Variants in KIF3B observed in about 807,000 individuals in gnomAD.
KIF3B encodes kinesin-like protein KIF3B.
A neutral mutation model predicts 74.3 loss-of-function variants in KIF3B; 38 were observed. The ratio of observed to expected loss-of-function variants is 0.51; its 90% confidence interval spans 0.39 to 0.67. The LOEUF (loss-of-function observed/expected upper bound fraction) is 0.67, where lower values mean the gene tolerates loss of function less well. Among genes scored for constraint, KIF3B ranks in the 30% least tolerant of loss-of-function variants. The probability of loss-of-function intolerance (pLI) is 0.00; values close to 1 mark genes in which losing one functional copy is unlikely to be tolerated. For missense variants in KIF3B, 649 were observed against 932.0 expected, an observed-to-expected ratio of 0.70 and a Z score of 3.95; for synonymous variants, 326 against 342.5, an observed-to-expected ratio of 0.95 and a Z score of 0.53.
intron 1 of KIF3B, among the ~76,000 whole-genome samples, chr20:32,305,660 G>T (rs1434166239): frequency 7.2e-6 from 1 of 138,104 alleles, no homozygotes; most frequent in Non-Finnish European, 1.5e-5. Context: ...TTGGCTCACT[G>T]CAGCCTCCGC....
chr20:32,325,655 CTTTTTTTTTTTTTTTT>C (rs1164604181), intron 5 of KIF3B, among the ~76,000 whole-genome samples: 2 of 51,104 alleles, frequency 3.9e-5, no homozygotes, highest in Admixed American at 3.1e-4. Context: ...CTCTCTCTCT[CTTTTTTTTTTTTTTTT>C]TTTTTTTTTT....
intron 2 of KIF3B, among the ~76,000 whole-genome samples, chr20:32,311,968 A>G (rs1469968552): frequency 6.6e-6 from 1 of 151,638 alleles, no homozygotes; most frequent in Non-Finnish European, 1.5e-5. Context: ...ACGCCCGGCT[A>G]AGTTTTGTAT....
chr20:32,308,245 AAAG>A (rs1349033709), intron 1 of KIF3B, among the ~76,000 whole-genome samples: 1 of 152,166 alleles, frequency 6.6e-6, no homozygotes, highest in African/African-American at 2.4e-5. Context: ...CAAATTAAAA[AAAG>A]GGTTTCATTC....
chr20:32,291,095 G>C (rs1456622218), intron 1 of KIF3B, among the ~76,000 whole-genome samples: 2 of 152,054 alleles, frequency 1.3e-5, no homozygotes, highest in African/African-American at 4.8e-5. Context: ...GGTTACCAGG[G>C]GCTAAGGAGA....
In KIF3B at chr20:32,334,639, G is replaced by T. The variant is rs968198155; in HGVS notation, c.*3320G>T. Reference sequence around the variant, plus strand: ...ATACTCTAAAAGCCATACTAAAAATGCTCTGAGGGAACTGGCTAAGAATAG... The same window carrying T: ...ATACTCTAAAAGCCATACTAAAAATTCTCTGAGGGAACTGGCTAAGAATAG... On this transcript the variant is annotated 3_prime_UTR_variant, in exon 9 of 9. Coordinates refer to ENST00000375712, the MANE Select transcript of KIF3B (RefSeq NM_004798.4). 6.6e-6 allele frequency: 1 copy of T among 152,400 alleles called. No individual in the cohort carries two copies. Among genetic ancestry groups the T allele is most frequent in the Non-Finnish European group, 1.5e-5 (1 of 68,068 alleles). The allele number at this position is 152,400 out of a possible 1,614,324, so 9.4% of individuals were successfully genotyped here. A position where few individuals can be genotyped will look rare whatever the true frequency, so the allele number is the denominator to read the frequency against.
At chr20:32,288,756 C>T (rs1010245496) in intron 1 of KIF3B, among the ~76,000 whole-genome samples, 3 of 152,142 alleles carry the variant, frequency 2.0e-5, no homozygotes, top group Non-Finnish European at 4.4e-5. Context: ...TCACTGCAAC[C>T]TCCGCCTCCT....
chr20:32,296,556 C>A (rs756257927), intron 1 of KIF3B, among the ~76,000 whole-genome samples: 1 of 151,878 alleles, frequency 6.6e-6, no homozygotes, highest in Non-Finnish European at 1.5e-5. Context: ...CAAGATTGCA[C>A]CACAGCACTC....
chr20:32,323,292 T>G (rs1411697156), intron 5 of KIF3B, among the ~76,000 whole-genome samples: 4 of 149,116 alleles, frequency 2.7e-5, no homozygotes, highest in Non-Finnish European at 5.9e-5. Context: ...CATTCAGATT[T>G]TCTTGGTTTG....
intron 5 of KIF3B, among the ~76,000 whole-genome samples, chr20:32,322,068 G>C (rs1475168306): frequency 6.6e-6 from 1 of 151,942 alleles, no homozygotes; most frequent in Non-Finnish European, 1.5e-5. Flanking sequence ...TTTTGATATT[G>C]ATCACATTGA....
chr20:32,311,802 C>CTT lies in KIF3B; in HGVS notation c.1404+637_1404+638dup, dbSNP rs771615918. Among the ~76,000 whole-genome samples, 137 of 132,120 alleles carry CTT rather than the reference C, an allele frequency of 1.0e-3. 2 individuals carry two copies. Among genetic ancestry groups the CTT allele is most frequent in the African/African-American group, 3.6e-3 (126 of 34,730 alleles). 86.7% of individuals were successfully genotyped at this position (132,120 alleles called of 152,430 possible). A position where few individuals can be genotyped will look rare whatever the true frequency, so the allele number is the denominator to read the frequency against. On this transcript the variant is annotated intron_variant, in intron 2 of 8. Coordinates refer to ENST00000375712, the MANE Select transcript of KIF3B (RefSeq NM_004798.4). ...AAGAAATAGAACAACATCCATTTTT[C>CTT]TTTTTTTTTTTTTTTTTGAGATGGA...
Position 32,310,032 on chromosome 20 carries a change from G to T in KIF3B, c.255G>T (p.Leu85=). The T allele has an allele frequency of 6.2e-7, 1 of 1,614,140 alleles. No homozygotes were observed. The highest frequency in any genetic ancestry group is 1.1e-5 in the South Asian group (1 of 91,072). Reference sequence around the variant, plus strand: ...TCCGACCACTTGTTGACTCTGTCCTGCAAGGTTTCAATGGAACCATTTTTG... The same window carrying T: ...TCCGACCACTTGTTGACTCTGTCCTTCAAGGTTTCAATGGAACCATTTTTG... ...ETFRPLVDSV[L]QGFNGTIFAY... The change falls in exon 2 of 9, where the codon CTG becomes CTT. Residue 85 remains leucine (L), a synonymous_variant. Coordinates refer to ENST00000375712, the MANE Select transcript of KIF3B (RefSeq NM_004798.4). This position sits in a 1 kb window ranked among gnomAD's most constrained non-coding sequence, Gnocchi z 6.5.
chr20:32,305,847 G>T (rs1402150711), intron 1 of KIF3B, among the ~76,000 whole-genome samples: 2 of 151,508 alleles, frequency 1.3e-5, no homozygotes, highest in East Asian at 1.9e-4. Context: ...TTCCCAAAGT[G>T]CTGGGATTAC....
intron 1 of KIF3B, among the ~76,000 whole-genome samples, chr20:32,301,451 C>G (rs970100036): frequency 1.3e-5 from 2 of 151,962 alleles, no homozygotes; most frequent in African/African-American, 4.8e-5. Flanking sequence ...GATCTCAGCT[C>G]ACTGCAAACC....
intron 1 of KIF3B, among the ~76,000 whole-genome samples, chr20:32,280,995 G>A (rs2047640537): frequency 6.6e-6 from 1 of 152,228 alleles, no homozygotes; most frequent in Non-Finnish European, 1.5e-5. Context: ...TGTGTCCCTA[G>A]ACTTCTGTTA....
In KIF3B at chr20:32,310,659, C is replaced by T. The variant is rs566603856; in HGVS notation, c.882C>T (p.Asp294=). Reference sequence around the variant, plus strand: ...AAAGCACTCACATTCCATATCGGGACTCAAAGCTTACCAGGCTCCTCCAAG... The same window carrying T: ...AAAGCACTCACATTCCATATCGGGATTCAAAGCTTACCAGGCTCCTCCAAG... ...DGKSTHIPYR[D]SKLTRLLQDS... is the part of the protein sequence containing the mutation. Residue 294 remains aspartate (D), a synonymous_variant, in exon 2 of 9, where the codon GAC becomes GAT. Transcript: ENST00000375712. The surrounding 1 kb of genome is among the most constrained non-coding windows in gnomAD (Gnocchi z 6.5). The T allele has an allele frequency of 4.1e-5, 66 of 1,614,174 alleles. No individual in the cohort carries two copies. In the East Asian group the frequency reaches 1.4e-3, roughly 34 times the overall value.
rs1216961847 is a variant in KIF3B, at chr20:32,332,455, C to A, written c.*1136C>A. 1 of 152,280 alleles carries A rather than the reference C, an allele frequency of 6.6e-6. No homozygotes were observed. Among genetic ancestry groups the A allele is most frequent in the African/African-American group, 2.4e-5 (1 of 41,464 alleles). The allele number at this position is 152,280 out of a possible 1,614,324, so 9.4% of individuals were successfully genotyped here. A position where few individuals can be genotyped will look rare whatever the true frequency, so the allele number is the denominator to read the frequency against. The stretch of plus-strand genomic sequence containing the variant: ...GCAGAGAATTCACCGAATCCTAGAA[C>A]TGTGGCTCCCTCCAGGCAGAGCCTA... On this transcript the variant is annotated 3_prime_UTR_variant, in exon 9 of 9. Transcript: ENST00000375712.
intron 1 of KIF3B, among the ~76,000 whole-genome samples, chr20:32,300,767 T>C (rs2047739594): frequency 6.6e-6 from 1 of 152,200 alleles, no homozygotes; most frequent in African/African-American, 2.4e-5. Context: ...ATCTTGTCCA[T>C]GTTTTCTTGT....
intron 2 of KIF3B, among the ~76,000 whole-genome samples, chr20:32,313,520 G>C (rs531285188): frequency 1.4e-4 from 21 of 152,030 alleles, no homozygotes; most frequent in Non-Finnish European, 2.8e-4. Flanking sequence ...TACTTCAGAG[G>C]CAGGGTTTTA....
At position 32,327,638 on chromosome 20, in the gene KIF3B, A is replaced by T. The variant is rs1182419330; in HGVS notation, c.1945A>T (p.Ile649Phe). 6.2e-7 allele frequency: 1 copy of T among 1,613,304 alleles called. No individual in the cohort carries two copies. The highest frequency in any genetic ancestry group is 8.5e-7 in the Non-Finnish European group (1 of 1,179,644). Reference protein sequence around the residue: ...LSQHARMSMMIRPEARYRAEN... With the variant: ...LSQHARMSMMFRPEARYRAEN... ...CCAGCACGCAAGAATGTCCATGATG[A>T]TTCGTCCAGAGGCCCGATATAGGGT... is the stretch of plus-strand genomic sequence containing the variant. Residue 649 changes from isoleucine (I) to phenylalanine (F), a missense_variant, in exon 7 of 9, where the codon ATT (isoleucine) becomes TTT (phenylalanine). Ile to Phe is a conservative substitution (Grantham distance 21). This residue lies in a region of KIF3B where 186 missense variants were observed against 198.5 expected (regional missense o/e 0.94). Transcript: ENST00000375712.
Sources: gnomAD v4.1 joint callset for allele counts (sites outside exome capture counted in the v4.1 genomes callset) on GRCh38, gnomAD v4.1.1 for gene constraint, gnomAD v4.1.1 regional missense constraint, Gnocchi (gnomAD v3.1) non-coding constraint, MANE v1.5 for transcripts, NCBI Gene and HGNC (gene_info 2026-07-23, HGNC 2026-07-21) for gene names.